DTNBP1: variants seen among roughly 807,000 people sequenced by gnomAD.
The protein encoded by DTNBP1 is dystrobrevin binding protein 1, also known as dysbindin.
DTNBP1 carries 35 observed loss-of-function variants against 42.8 expected under a neutral mutation model. The ratio of observed to expected loss-of-function variants is 0.82; its 90% CI spans 0.63 to 1.09. The LOEUF (loss-of-function observed/expected upper bound fraction) is 1.09, where lower values mean the gene tolerates loss of function less well. Among genes scored for constraint, DTNBP1 ranks in the 50% least tolerant of loss-of-function variants. The pLI is 0.00. For synonymous variants in DTNBP1, 171 were observed against 162.2 expected (o/e 1.05, Z -0.41); for missense variants, 457 against 424.2 (o/e 1.08, Z -0.68).
intron 5 of DTNBP1, among the ~76,000 whole-genome samples, chr6:15,622,367 T>C (rs1018432669): frequency 3.3e-5 from 5 of 152,160 alleles, no homozygotes; most frequent in African/African-American, 9.7e-5. Context: ...AATAATTGCA[T>C]TGAAAAAAAT....
At chr6:15,616,401 A>G (rs902329014) in intron 5 of DTNBP1, among the ~76,000 whole-genome samples, 7 of 152,232 alleles carry the variant, frequency 4.6e-5, no homozygotes, top group African/African-American at 1.7e-4. Flanking sequence ...AGGAGCTTAC[A>G]GGAGAGGGGA....
chr6:15,615,532 T>C (rs1758669704), intron 5 of DTNBP1, 133 bp from the exon 6 acceptor site: 2 of 1,188,624 alleles, frequency 1.7e-6, no homozygotes, highest in East Asian at 5.1e-5. Flanking sequence ...TATTAAACTT[T>C]CTTGAAGCAA....
intron 7 of DTNBP1, among the ~76,000 whole-genome samples, chr6:15,562,530 T>C (rs556279359): frequency 6.6e-6 from 1 of 152,210 alleles, no homozygotes; most frequent in Non-Finnish European, 1.5e-5. Flanking sequence ...TATGGATAAG[T>C]TGCTTTCCAT....
chr6:15,537,424 A>C (rs1363495270), intron 7 of DTNBP1, among the ~76,000 whole-genome samples: 1 of 150,814 alleles, frequency 6.6e-6, no homozygotes, highest in East Asian at 1.9e-4. Flanking sequence ...GTGAGACTGC[A>C]TCTCAAAAAA....
At chr6:15,573,848 A>C in intron 7 of DTNBP1, among the ~76,000 whole-genome samples, 1 of 152,032 alleles carries the variant, frequency 6.6e-6, no homozygotes, top group South Asian at 2.1e-4. Flanking sequence ...CTGGGATTAC[A>C]GGTGCCCACC....
chr6:15,604,098 A>G (rs1410158335), intron 6 of DTNBP1, among the ~76,000 whole-genome samples: 1 of 152,192 alleles, frequency 6.6e-6, no homozygotes, highest in Non-Finnish European at 1.5e-5. Flanking sequence ...ATGCAGAGGC[A>G]ATCACAGGGC....
At chr6:15,615,121 TAA>T in intron 6 of DTNBP1, 144 bp downstream of exon 6, 2 of 1,292,854 alleles carry the variant, frequency 1.5e-6, no homozygotes, top group Non-Finnish European at 2.2e-6. Flanking sequence ...CAGTGGTTTT[TAA>T]AAAAAGTTTT....
intron 6 of DTNBP1, among the ~76,000 whole-genome samples, chr6:15,614,504 A>G (rs571363042): frequency 6.6e-6 from 1 of 152,254 alleles, no homozygotes; most frequent in South Asian, 2.1e-4. Context: ...CACAGATGAC[A>G]GTCTGTCTCA....
At chr6:15,536,422 C>T (rs1773229959) in intron 7 of DTNBP1, among the ~76,000 whole-genome samples, 1 of 152,246 alleles carries the variant, frequency 6.6e-6, no homozygotes, top group South Asian at 2.1e-4. Context: ...TGCATTCCAG[C>T]CACTCTAACT....
At chr6:15,642,192 T>A (rs950441553) in intron 3 of DTNBP1, among the ~76,000 whole-genome samples, 2 of 152,120 alleles carry the variant, frequency 1.3e-5, no homozygotes, top group African/African-American at 4.8e-5. Flanking sequence ...TCTGCTCCCA[T>A]CTGGAGGAAG....
At chr6:15,551,823 T>C (rs996815584) in intron 7 of DTNBP1, among the ~76,000 whole-genome samples, 4 of 152,224 alleles carry the variant, frequency 2.6e-5, no homozygotes, top group Non-Finnish European at 5.9e-5. Context: ...GACTGCACAG[T>C]AAACGCCAGA....
In DTNBP1 at chr6:15,593,181, C is replaced by T. The variant is rs893696693; in HGVS notation, c.489-100G>A. On this transcript the variant is annotated intron_variant, in intron 6 of 9. Transcript: ENST00000344537. ...AATAAAAACTTATGTACTTTAAATGCCCACAGTGGTATTTCTGGATCTTCA... is the reference window on the plus strand; with the variant it reads ...AATAAAAACTTATGTACTTTAAATGTCCACAGTGGTATTTCTGGATCTTCA... The T allele has an allele frequency of 7.4e-6, 8 of 1,082,464 alleles. No homozygotes were observed. The African/African-American group carries it at 1.3e-4, about 17-fold the overall frequency. The allele number at this position is 1,082,464 out of a possible 1,614,324, so 67.1% of individuals were successfully genotyped here.
intron 7 of DTNBP1, among the ~76,000 whole-genome samples, chr6:15,582,589 G>A (rs1050363345): frequency 6.6e-6 from 1 of 152,034 alleles, no homozygotes; most frequent in African/African-American, 2.4e-5. Context: ...AAAAAATCCT[G>A]GTGGTTATTT....
Position 15,587,580 on chromosome 6 carries a change from A to G in DTNBP1, c.511+5479T>C, listed in dbSNP as rs559192178. Reference sequence around the variant, plus strand: ...AACAAAGTTGAGAGTTCAGAAAAAAACTCTTACATTATGGTCACTGGTTTC... The same window carrying G: ...AACAAAGTTGAGAGTTCAGAAAAAAGCTCTTACATTATGGTCACTGGTTTC... On this transcript the variant is annotated intron_variant, in intron 7 of 9. Coordinates refer to ENST00000344537, the MANE Select transcript of DTNBP1 (RefSeq NM_032122.5). This position sits in a 1 kb window ranked among gnomAD's most constrained non-coding sequence, Gnocchi z 4.1. Among the ~76,000 whole-genome samples the G allele has an allele frequency of 6.6e-6, 1 of 152,210 alleles. No individual in the cohort carries two copies. Among genetic ancestry groups the G allele is most frequent in the Admixed American group, 6.5e-5 (1 of 15,288 alleles).
At chr6:15,616,244 T>C (rs548044323) in intron 5 of DTNBP1, among the ~76,000 whole-genome samples, 1 of 152,372 alleles carries the variant, frequency 6.6e-6, no homozygotes, top group South Asian at 2.1e-4. Context: ...AAGGATTAGT[T>C]GTTTTCTTAT....
intron 3 of DTNBP1, among the ~76,000 whole-genome samples, chr6:15,640,148 A>G (rs759239099): frequency 2.6e-5 from 4 of 152,230 alleles, no homozygotes; most frequent in Non-Finnish European, 5.9e-5. Context: ...CACTAAATCC[A>G]TTACAATGTA....
At chr6:15,533,479 T>C in intron 7 of DTNBP1, 84 bp from the exon 8 acceptor site, 1 of 1,589,574 alleles carries the variant, frequency 6.3e-7, no homozygotes, top group Non-Finnish European at 8.6e-7. Context: ...GCATCCACCC[T>C]CCAAGTGGAT....
At chr6:15,572,294 C>A (rs903879558) in intron 7 of DTNBP1, among the ~76,000 whole-genome samples, 2 of 152,138 alleles carry the variant, frequency 1.3e-5, no homozygotes, top group African/African-American at 4.8e-5. Context: ...TCAAACCCAC[C>A]CAGTGTGTCT....
Position 15,551,369 on chromosome 6 carries a change from C to T in DTNBP1, c.512-17974G>A, listed in dbSNP as rs143305289. 6.2e-4 allele frequency among the ~76,000 whole-genome samples: 95 copies of T among 152,292 alleles called. 1 individual carries two copies. The highest frequency in any genetic ancestry group is 3.4e-3 in the Middle Eastern group (1 of 294). ...TTTTCTACTGGCTACAACAACCTTA[C>T]GCTCAGTAAAGACGTATAAGAATAG... On this transcript the variant is annotated intron_variant, in intron 7 of 9. Transcript: ENST00000344537.
Sources: allele counts gnomAD v4.1 joint callset (sites outside exome capture counted in the v4.1 genomes callset), GRCh38; gene constraint gnomAD v4.1.1; non-coding constraint Gnocchi (gnomAD v3.1); transcripts MANE v1.5; gene names NCBI Gene and HGNC (gene_info 2026-07-23, HGNC 2026-07-21).